The following PAM variants were observed in gnomAD, a reference collection of about 807,000 sequenced individuals.
PAM encodes the protein peptidylglycine alpha-amidating monooxygenase.
Under a neutral mutation model 122.1 loss-of-function variants are expected in PAM, and 72 were observed. That is an observed-to-expected ratio of 0.59 (90% CI 0.49 to 0.72). The LOEUF (loss-of-function observed/expected upper bound fraction) is 0.72, where lower values mean the gene tolerates loss of function less well. Ranked by LOEUF, PAM falls within the 30% of genes least tolerant of loss-of-function variation. PAM has a pLI of 0.00. For synonymous variants in PAM, 389 were observed against 404.4 expected, an observed-to-expected ratio of 0.96 and a Z score of 0.46; for missense variants, 1,106 against 1,183.7, an observed-to-expected ratio of 0.93 and a Z score of 0.96.
At chr5:102,967,492 G>T (rs1764452603) in intron 14 of PAM, among the ~76,000 whole-genome samples, 2 of 152,260 alleles carry the variant, frequency 1.3e-5, no homozygotes, top group Admixed American at 1.3e-4. Context: ...ATTCATCCCA[G>T]AATTGCTTAT....
chr5:102,845,729 CA>C (rs1464286379), intron 1 of PAM, among the ~76,000 whole-genome samples: 1 of 152,162 alleles, frequency 6.6e-6, no homozygotes, highest in East Asian at 1.9e-4. Context: ...GCCCTACGTT[CA>C]AAGTCTTTAT....
At chr5:102,796,503 A>G (rs1763411755) in intron 1 of PAM, among the ~76,000 whole-genome samples, 1 of 151,946 alleles carries the variant, frequency 6.6e-6, no homozygotes, top group Admixed American at 6.6e-5. Flanking sequence ...GGTAGGAGTC[A>G]TCTTTGCTCT....
In PAM at chr5:102,990,380, G is replaced by A. The variant is rs1321948943; in HGVS notation, c.1592G>A (p.Gly531Asp). Reference protein sequence around the residue: ...PKNNLVIFHRGDHVWDGNSFD... With the variant: ...PKNNLVIFHRDDHVWDGNSFD... ...AATAACCTGGTGATTTTCCACAGAGGTGACCATGTCTGGGATGGAAAGTAA... is the reference window on the plus strand; with the variant it reads ...AATAACCTGGTGATTTTCCACAGAGATGACCATGTCTGGGATGGAAAGTAA... Residue 531 changes from glycine (G) to aspartate (D), a missense_variant, in exon 16 of 26, where the codon GGT becomes GAT. Physicochemically the swap from Gly to Asp is moderately conservative, Grantham distance 94. This residue lies in a region of PAM where 670 missense variants were observed against 690.3 expected (regional missense o/e 0.97). Transcript: ENST00000438793. The A allele has an allele frequency of 6.2e-7, 1 of 1,603,926 alleles. No homozygotes were observed. The highest frequency in any genetic ancestry group is 8.5e-7 in the Non-Finnish European group (1 of 1,173,748).
chr5:102,886,396 G>T (rs115662896), intron 3 of PAM, among the ~76,000 whole-genome samples: 1 of 151,824 alleles, frequency 6.6e-6, no homozygotes, highest in Non-Finnish European at 1.5e-5. Flanking sequence ...TAGTAATTTT[G>T]CGGAGTATTG....
intron 3 of PAM, among the ~76,000 whole-genome samples, chr5:102,869,894 A>G (rs1786814722): frequency 6.6e-6 from 1 of 152,184 alleles, no homozygotes; most frequent in Non-Finnish European, 1.5e-5. Context: ...GAGGGAAGAA[A>G]CAAAAGGTAG....
At chr5:103,008,391 ATTAG>A (rs1471277024) in intron 20 of PAM, among the ~76,000 whole-genome samples, 2 of 152,120 alleles carry the variant, frequency 1.3e-5, no homozygotes, top group Non-Finnish European at 2.9e-5. Context: ...AGTAAGGCTA[ATTAG>A]CAAACCCATC....
intron 14 of PAM, among the ~76,000 whole-genome samples, chr5:102,966,882 T>C (rs1387165996): frequency 6.6e-6 from 1 of 152,136 alleles, no homozygotes; most frequent in Admixed American, 6.6e-5. Flanking sequence ...TAGTAATGTG[T>C]GTGGGAAATG....
intron 3 of PAM, among the ~76,000 whole-genome samples, chr5:102,871,715 T>C (rs980284203): frequency 6.8e-6 from 1 of 147,050 alleles, no homozygotes. Flanking sequence ...ATATATATTA[T>C]ATATAATACA....
chr5:102,758,203 ATC>A, intron 1 of PAM, among the ~76,000 whole-genome samples: 1 of 146,214 alleles, frequency 6.8e-6, no homozygotes, highest in Non-Finnish European at 1.5e-5. Flanking sequence ...ACTCAGTGAC[ATC>A]TCTGATTCTT....
intron 8 of PAM, among the ~76,000 whole-genome samples, chr5:102,947,691 A>C (rs1351909470): frequency 6.6e-6 from 1 of 152,152 alleles, no homozygotes; most frequent in South Asian, 2.1e-4. Context: ...AAATGTTAAA[A>C]ATGTTTAAAA....
At chr5:102,881,373 A>G (rs948539824) in intron 3 of PAM, among the ~76,000 whole-genome samples, 2 of 151,018 alleles carry the variant, frequency 1.3e-5, no homozygotes, top group African/African-American at 2.4e-5. Flanking sequence ...AAAAGTTACT[A>G]TTTTTTTTTA....
intron 1 of PAM, among the ~76,000 whole-genome samples, chr5:102,779,244 A>G (rs1272479753): frequency 2.7e-5 from 4 of 150,858 alleles, no homozygotes; most frequent in African/African-American, 9.7e-5. Context: ...ATGTGTATAT[A>G]TATATATGTA....
At chr5:102,855,138 G>A (rs764013838) in intron 1 of PAM, among the ~76,000 whole-genome samples, 23 of 151,942 alleles carry the variant, frequency 1.5e-4, no homozygotes, top group Non-Finnish European at 2.8e-4. Context: ...TGAATTGAGA[G>A]GGCAGTGTGT....
intron 21 of PAM, among the ~76,000 whole-genome samples, chr5:103,014,350 A>C (rs1478163408): frequency 6.6e-6 from 1 of 152,246 alleles, no homozygotes; most frequent in African/African-American, 2.4e-5. Context: ...GAGTCACAAT[A>C]TGTGGGTCAA....
intron 1 of PAM, among the ~76,000 whole-genome samples, chr5:102,787,805 G>GAAA: frequency 6.6e-6 from 1 of 151,938 alleles, no homozygotes; most frequent in Admixed American, 6.6e-5. Context: ...GAAATGTTGG[G>GAAA]TATTTCCAGT....
intron 12 of PAM, among the ~76,000 whole-genome samples, chr5:102,952,167 T>C (rs1390731196): frequency 1.5e-5 from 2 of 137,442 alleles, no homozygotes; most frequent in African/African-American, 5.2e-5. Context: ...AAGTTTTAAG[T>C]GTGGGAAAAA....
intron 21 of PAM, among the ~76,000 whole-genome samples, chr5:103,013,277 C>A (rs945258071): frequency 6.6e-6 from 1 of 151,432 alleles, no homozygotes; most frequent in African/African-American, 2.4e-5. Flanking sequence ...TTGTAGAGAT[C>A]TTTCACTTCT....
chr5:102,932,165 T>C (rs59323174), intron 7 of PAM, among the ~76,000 whole-genome samples: 40,174 of 152,078 alleles, frequency 0.26, 5,766 homozygotes, highest in East Asian at 0.44. Flanking sequence ...AGTACTATAA[T>C]GTTAAAACAT....
At chr5:102,812,870 G>A (rs1580439356) in intron 1 of PAM, among the ~76,000 whole-genome samples, 1 of 151,804 alleles carries the variant, frequency 6.6e-6, no homozygotes, top group East Asian at 1.9e-4. Flanking sequence ...ATTTCTTTAT[G>A]TACATAGTAA....
Sources: gnomAD v4.1 joint callset for allele counts (sites outside exome capture counted in the v4.1 genomes callset) on GRCh38, gnomAD v4.1.1 for gene constraint, gnomAD v4.1.1 regional missense constraint, MANE v1.5 for transcripts, NCBI Gene and HGNC (gene_info 2026-07-23, HGNC 2026-07-21) for gene names.